The following CNTN1 variants were observed in gnomAD, a reference collection of about 807,000 sequenced individuals.
CNTN1 encodes contactin 1.
A neutral mutation model predicts 126.4 loss-of-function variants in CNTN1; 38 were observed. The ratio of observed to expected loss-of-function variants is 0.30; its 90% CI spans 0.23 to 0.39. The LOEUF (loss-of-function observed/expected upper bound fraction) is 0.39, where lower values mean the gene tolerates loss of function less well. Among genes scored for constraint, CNTN1 ranks in the 10% least tolerant of loss-of-function variants. The pLI, the probability that CNTN1 is intolerant of heterozygous loss-of-function variation, is 1.00. For synonymous variants in CNTN1, 413 were observed against 422.6 expected, an observed-to-expected ratio of 0.98 and a Z score of 0.28; for missense variants, 1,009 against 1,248.4, an observed-to-expected ratio of 0.81 and a Z score of 2.89.
intron 1 of CNTN1, among the ~76,000 whole-genome samples, chr12:40,820,392 TG>T (rs1186467285): frequency 6.6e-6 from 1 of 152,224 alleles, no homozygotes; most frequent in Non-Finnish European, 1.5e-5. Context: ...GCAGTGGCTC[TG>T]ATTCTGAGGT....
chr12:40,998,074 A>T (rs2120562835), intron 17 of CNTN1, among the ~76,000 whole-genome samples: 2 of 152,226 alleles, frequency 1.3e-5, no homozygotes, highest in Middle Eastern at 6.8e-3. Context: ...GATGATGAAA[A>T]AAAAAGGAGT....
At chr12:40,710,235 G>A (rs958977173) in intron 1 of CNTN1, among the ~76,000 whole-genome samples, 3 of 152,030 alleles carry the variant, frequency 2.0e-5, no homozygotes, top group African/African-American at 7.2e-5. Flanking sequence ...TTTCAATATT[G>A]TTGTCTCAAG....
chr12:40,789,956 G>T (rs186206655), intron 1 of CNTN1, among the ~76,000 whole-genome samples: 2 of 152,178 alleles, frequency 1.3e-5, no homozygotes, highest in East Asian at 3.9e-4. Context: ...TTTGATATCT[G>T]CTAACTTAAC....
intron 1 of CNTN1, among the ~76,000 whole-genome samples, chr12:40,839,954 A>C (rs187516858): frequency 5.2e-4 from 79 of 152,276 alleles, no homozygotes; most frequent in Non-Finnish European, 9.9e-4. Flanking sequence ...TATATACAAC[A>C]ACCAGAAAAC....
intron 20 of CNTN1, among the ~76,000 whole-genome samples, chr12:41,021,201 C>T (rs1338430850): frequency 6.6e-6 from 1 of 152,168 alleles, no homozygotes; most frequent in Non-Finnish European, 1.5e-5. Context: ...TGACAACTTG[C>T]CTGAGTTGTC....
chr12:40,994,775 T>C (rs1948172504), intron 17 of CNTN1, among the ~76,000 whole-genome samples: 1 of 152,012 alleles, frequency 6.6e-6, no homozygotes, highest in Non-Finnish European at 1.5e-5. Flanking sequence ...ACAAAAAATT[T>C]AGTGTTTAGG....
At chr12:40,811,724 G>T (rs1941070634) in intron 1 of CNTN1, among the ~76,000 whole-genome samples, 1 of 149,938 alleles carries the variant, frequency 6.7e-6, no homozygotes, top group Non-Finnish European at 1.5e-5. Context: ...AATCCTTTGT[G>T]TTTTGTAATA....
At chr12:40,773,110 A>G (rs1250554435) in intron 1 of CNTN1, among the ~76,000 whole-genome samples, 2 of 152,006 alleles carry the variant, frequency 1.3e-5, no homozygotes, top group South Asian at 2.1e-4. Context: ...CATGCAATAT[A>G]TCCACCATAT....
At chr12:40,791,970 C>G (rs945052652) in intron 1 of CNTN1, among the ~76,000 whole-genome samples, 1 of 152,016 alleles carries the variant, frequency 6.6e-6, no homozygotes, top group African/African-American at 2.4e-5. Flanking sequence ...TTTTATGGGC[C>G]ATTCAAAAGA....
At chr12:40,771,413 G>A (rs74952815) in intron 1 of CNTN1, among the ~76,000 whole-genome samples, 2 of 151,940 alleles carry the variant, frequency 1.3e-5, no homozygotes, top group African/African-American at 4.8e-5. Flanking sequence ...TAAAGTCAAT[G>A]TCTAGTGTTA....
chr12:41,026,915 A>G (rs960170364), intron 21 of CNTN1, among the ~76,000 whole-genome samples: 8 of 152,094 alleles, frequency 5.3e-5, no homozygotes, highest in Non-Finnish European at 4.4e-5. Context: ...ACTAAGTGAA[A>G]ATGGAGACAG....
intron 15 of CNTN1, among the ~76,000 whole-genome samples, chr12:40,965,998 C>CCACACACACACA (rs57532764): frequency 8.9e-4 from 121 of 136,284 alleles, no homozygotes; most frequent in African/African-American, 1.2e-3. Flanking sequence ...CCTCATCACA[C>CCACACACACACA]CACACACACA....
At chr12:41,039,778 T>C (rs894436350) in intron 23 of CNTN1, among the ~76,000 whole-genome samples, 2 of 152,050 alleles carry the variant, frequency 1.3e-5, no homozygotes, top group Non-Finnish European at 2.9e-5. Context: ...AGTTGGCAAA[T>C]GGCATGGTTA....
chr12:40,792,436 C>CT (rs1165111874), intron 1 of CNTN1, among the ~76,000 whole-genome samples: 3 of 152,052 alleles, frequency 2.0e-5, no homozygotes, highest in Admixed American at 6.6e-5. Context: ...ATTATTTAAA[C>CT]TTGTTTACTA....
At chr12:41,063,634 T>G (rs1227474625) in intron 23 of CNTN1, among the ~76,000 whole-genome samples, 1 of 152,180 alleles carries the variant, frequency 6.6e-6, no homozygotes, top group African/African-American at 2.4e-5. Flanking sequence ...TGGCCCTGCT[T>G]CCTTGGCCAG....
intron 1 of CNTN1, among the ~76,000 whole-genome samples, chr12:40,698,865 T>G (rs947179864): frequency 5.3e-5 from 8 of 152,184 alleles, no homozygotes; most frequent in African/African-American, 1.7e-4. Flanking sequence ...CAATCTCCCG[T>G]AATGTCAATC....
At chr12:40,743,640 A>G (rs902102644) in intron 1 of CNTN1, among the ~76,000 whole-genome samples, 2 of 152,024 alleles carry the variant, frequency 1.3e-5, no homozygotes, top group Non-Finnish European at 2.9e-5. Flanking sequence ...CCACTTTGTA[A>G]TGGGTTGTTT....
At chr12:40,890,141 G>T (rs1373282191) in intron 1 of CNTN1, among the ~76,000 whole-genome samples, 1 of 152,118 alleles carries the variant, frequency 6.6e-6, no homozygotes, top group Non-Finnish European at 1.5e-5. Flanking sequence ...CACCTTTCCT[G>T]TGACTCCCCA....
chr12:40,782,430 C>A (rs1401331705), intron 1 of CNTN1, among the ~76,000 whole-genome samples: 1 of 151,834 alleles, frequency 6.6e-6, no homozygotes, highest in African/African-American at 2.4e-5. Context: ...GATTAAAATG[C>A]AACTGATCTT....
Sources: allele counts gnomAD v4.1 joint callset (sites outside exome capture counted in the v4.1 genomes callset), GRCh38; gene constraint gnomAD v4.1.1; transcripts MANE v1.5; gene names NCBI Gene and HGNC (gene_info 2026-07-23, HGNC 2026-07-21).